The following WIF1 variants were observed in gnomAD, a reference collection of about 807,000 sequenced individuals.
The protein encoded by WIF1 is Wnt inhibitory factor 1.
WIF1 carries 35 observed loss-of-function variants against 53.5 expected under a neutral mutation model. The observed-to-expected ratio is 0.65, with a 90% CI of 0.50 to 0.87. WIF1 has a LOEUF of 0.87. WIF1 is among the 40% of genes least tolerant of loss of function. The pLI is 0.00. For missense variants in WIF1, 467 were observed against 476.8 expected, an observed-to-expected ratio of 0.98 and a Z score of 0.19; for synonymous variants, 171 against 170.4, an observed-to-expected ratio of 1.00 and a Z score of -0.03.
chr12:65,086,082 G>T (rs564235371), intron 2 of WIF1, among the ~76,000 whole-genome samples: 8 of 151,746 alleles, frequency 5.3e-5, no homozygotes, highest in African/African-American at 1.9e-4. Flanking sequence ...TGAGGAAGGG[G>T]TGACAGAAAA....
rs775745560 is a variant in WIF1 at position 65,068,816 on chromosome 12, G to A, written c.486C>T (p.Asn162=). ...CATTTTGAGGTGTTTGGAGAATGGT[G>A]TTGCCTTCAGAATTCATAACAATCA... ...VDVIVMNSEG[N]TILQTPQNAI... The change falls in exon 4 of 10, where the codon AAC becomes AAT. Residue 162 remains asparagine (N), a synonymous_variant. Transcript: ENST00000286574. 6.2e-6 allele frequency: 10 copies of A among 1,613,720 alleles called. No homozygotes were observed. The highest frequency in any genetic ancestry group is 3.3e-5 in the South Asian group (3 of 91,066).
At chr12:65,055,348 C>G in intron 8 of WIF1, 135 bp from the exon 9 acceptor site, 1 of 904,606 alleles carries the variant, frequency 1.1e-6, no homozygotes, top group Non-Finnish European at 1.6e-6. Context: ...CTAAGTCAGT[C>G]TCCAGTCATA....
intron 9 of WIF1, among the ~76,000 whole-genome samples, chr12:65,053,156 T>A (rs892553541): frequency 6.6e-6 from 1 of 152,180 alleles, no homozygotes; most frequent in Non-Finnish European, 1.5e-5. Context: ...TCCTTATCAG[T>A]ATGTCCTAGC....
intron 2 of WIF1, among the ~76,000 whole-genome samples, chr12:65,085,274 T>C (rs1883018973): frequency 6.6e-6 from 1 of 152,154 alleles, no homozygotes; most frequent in East Asian, 1.9e-4. Flanking sequence ...TTTGAATATA[T>C]ATAATAAGAT....
intron 3 of WIF1, among the ~76,000 whole-genome samples, chr12:65,077,028 A>G (rs1379668407): frequency 1.6e-4 from 25 of 152,182 alleles, no homozygotes; most frequent in Admixed American, 1.6e-3. Context: ...TAAAAGTCAG[A>G]AATCCCGGGC....
Position 65,121,050 on chromosome 12 carries a change from G to C in WIF1, c.142C>G (p.Leu48Val). ...LWIDAHQARV[L>V]IGFEEDILIV... Reference sequence around the variant, plus strand: ...CTGGAGGCGGGGGCCTTACCTATGAGTACTCTTGCCTGGTGAGCATCGATC... The same window carrying C: ...CTGGAGGCGGGGGCCTTACCTATGACTACTCTTGCCTGGTGAGCATCGATC... The change falls in exon 1 of 10, where the codon CTC becomes GTC. Residue 48 changes from leucine (L) to valine (V), a missense_variant. Physicochemically the swap from Leu to Val is conservative, Grantham distance 32 (BLOSUM62 1). Transcript: ENST00000286574. 3 of 1,509,624 alleles carry C rather than the reference G, an allele frequency of 2.0e-6. No individual in the cohort carries two copies. Among genetic ancestry groups the C allele is most frequent in the Non-Finnish European group, 2.7e-6 (3 of 1,122,646 alleles). The allele number at this position is 1,509,624 out of a possible 1,614,324, so 93.5% of individuals were successfully genotyped here.
rs201800637 is a variant in WIF1, at chr12:65,120,317, T to C, written c.288+100A>G. ...TTGGCAATCAGATGAGAAATTTCTC[T>C]TAATAACTGTAAAATGTACCAGGCT... On this transcript the variant is annotated intron_variant, in intron 2 of 9. Coordinates refer to ENST00000286574, the MANE Select transcript of WIF1 (RefSeq NM_007191.5). The C allele has an allele frequency of 5.4e-5, 69 of 1,271,438 alleles. No individual in the cohort carries two copies. The East Asian group carries it at 1.7e-3, about 31-fold the overall frequency. 78.8% of individuals were successfully genotyped at this position (1,271,438 alleles called of 1,614,324 possible). A position where few individuals can be genotyped will look rare whatever the true frequency, so the allele number is the denominator to read the frequency against.
chr12:65,115,457 G>A (rs902603625), intron 2 of WIF1, among the ~76,000 whole-genome samples: 1 of 152,142 alleles, frequency 6.6e-6, no homozygotes, highest in Admixed American at 6.5e-5. Context: ...TTACTTGAAA[G>A]CCATTGGGCT....
At chr12:65,075,356 C>T (rs1185705161) in intron 3 of WIF1, among the ~76,000 whole-genome samples, 2 of 152,088 alleles carry the variant, frequency 1.3e-5, no homozygotes, top group South Asian at 2.1e-4. Context: ...AAATTAGCTC[C>T]GAAGGGGATT....
chr12:65,066,018 T>C (rs572114325), intron 6 of WIF1, among the ~76,000 whole-genome samples: 1 of 152,270 alleles, frequency 6.6e-6, no homozygotes, highest in East Asian at 1.9e-4. Context: ...AGCAGGTTGT[T>C]TAATTTTAGC....
At chr12:65,120,930 A>T in intron 1 of WIF1, 114 bp downstream of exon 1, 1 of 1,258,694 alleles carries the variant, frequency 7.9e-7, no homozygotes. Context: ...AGAGGGGAAC[A>T]CTCTTTTGTG....
chr12:65,066,289 T>G (rs1200308030), intron 6 of WIF1, among the ~76,000 whole-genome samples: 1 of 152,102 alleles, frequency 6.6e-6, no homozygotes, highest in African/African-American at 2.4e-5. Context: ...AATTAATTTA[T>G]TTTTAGCAGT....
chr12:65,068,175 A>G (rs978720229), intron 4 of WIF1, among the ~76,000 whole-genome samples: 1 of 152,158 alleles, frequency 6.6e-6, no homozygotes, highest in African/African-American at 2.4e-5. Flanking sequence ...GAAATGCTCC[A>G]GAGCTTAAAT....
chr12:65,075,225 T>C (rs1414564195), intron 3 of WIF1, among the ~76,000 whole-genome samples: 1 of 152,202 alleles, frequency 6.6e-6, no homozygotes, highest in Non-Finnish European at 1.5e-5. Flanking sequence ...TGTGTTTATT[T>C]AGTCTCCCAC....
intron 7 of WIF1, 51 bp downstream of exon 7, chr12:65,062,430 G>A: frequency 6.7e-7 from 1 of 1,483,088 alleles, no homozygotes; most frequent in Non-Finnish European, 9.3e-7. Context: ...GGGTTATATG[G>A]GGTTTCTAAG....
In WIF1 at chr12:65,062,569, G is replaced by C; in HGVS notation, c.738C>G (p.Cys246Trp). Residue 246 changes from cysteine to tryptophan, a missense_variant, in exon 7 of 10, where the codon TGC becomes TGG. Transcript: ENST00000286574. ...FYGVNCDKAN[C>W]STTCFNGGTC... ...TCCCTCCATTAAAGCAGGTGGTTGA[G>C]CAGTTTGCTGTTAGAATGAGTAACA... The C allele has an allele frequency of 6.2e-7, 1 of 1,605,600 alleles. No homozygotes were observed. Among genetic ancestry groups the C allele is most frequent in the Non-Finnish European group, 8.5e-7 (1 of 1,175,110 alleles).
At position 65,055,209 on chromosome 12, in the gene WIF1, G is replaced by C; in HGVS notation, c.927C>G (p.Val309=). The change falls in exon 9 of 10, where the codon GTC becomes GTG. Residue 309 remains valine (V), a synonymous_variant. Transcript: ENST00000286574. ...GYQGDLCSKP[V]CEPGCGAHGT... is the part of the protein sequence containing the mutation. The stretch of plus-strand genomic sequence containing the variant: ...CATGTGCACCACAGCCAGGCTCGCA[G>C]ACAGCTAGAATCAAAAGAAATAAAA... 3 of 1,613,626 alleles carry C rather than the reference G, an allele frequency of 1.9e-6. No homozygotes were observed. The highest frequency in any genetic ancestry group is 2.5e-6 in the Non-Finnish European group (3 of 1,179,866).
chr12:65,075,950 G>C (rs1283903095), intron 3 of WIF1, among the ~76,000 whole-genome samples: 3 of 152,092 alleles, frequency 2.0e-5, no homozygotes, highest in Non-Finnish European at 4.4e-5. Context: ...TGGTCTAATA[G>C]ATACAAGAAA....
At chr12:65,104,780 T>C (rs891224480) in intron 2 of WIF1, among the ~76,000 whole-genome samples, 9 of 152,204 alleles carry the variant, frequency 5.9e-5, no homozygotes, top group African/African-American at 2.2e-4. Flanking sequence ...AAAAATATGA[T>C]TTTAACATTC....
Sources: allele counts gnomAD v4.1 joint callset (sites outside exome capture counted in the v4.1 genomes callset), GRCh38; gene constraint gnomAD v4.1.1; transcripts MANE v1.5; gene names NCBI Gene and HGNC (gene_info 2026-07-23, HGNC 2026-07-21).